The following PDE1A variants were observed in gnomAD, a reference collection of about 807,000 sequenced individuals.
PDE1A encodes phosphodiesterase 1A.
PDE1A carries 35 observed loss-of-function variants against 61.7 expected under a neutral mutation model. The ratio of observed to expected loss-of-function variants is 0.57; its 90% CI spans 0.43 to 0.75. PDE1A has a LOEUF of 0.75. PDE1A is among the 30% of genes least tolerant of loss of function. The pLI, the probability that PDE1A is intolerant of heterozygous loss-of-function variation, is 0.00. For synonymous variants in PDE1A, 232 were observed against 213.2 expected, an observed-to-expected ratio of 1.09 and a Z score of -0.77; for missense variants, 597 against 630.6, an observed-to-expected ratio of 0.95 and a Z score of 0.57.
At chr2:182,510,081 T>C (rs535464111) in intron 2 of PDE1A, among the ~76,000 whole-genome samples, 1 of 152,118 alleles carries the variant, frequency 6.6e-6, no homozygotes, top group Non-Finnish European at 1.5e-5. Flanking sequence ...ATATCAAAAA[T>C]TTGCCTATCA....
intron 1 of PDE1A, among the ~76,000 whole-genome samples, chr2:182,389,267 G>A (rs1701285557): frequency 6.6e-6 from 1 of 152,018 alleles, no homozygotes; most frequent in Non-Finnish European, 1.5e-5. Context: ...ACAAAGCAAA[G>A]TCAGGAAACT....
intron 1 of PDE1A, among the ~76,000 whole-genome samples, chr2:182,383,421 T>C (rs1700846433): frequency 1.3e-5 from 2 of 152,190 alleles, no homozygotes. Context: ...ACAGAGATAA[T>C]GTCATAAATA....
chr2:182,320,251 G>A (rs940974310), intron 1 of PDE1A, among the ~76,000 whole-genome samples: 1 of 152,144 alleles, frequency 6.6e-6, no homozygotes, highest in African/African-American at 2.4e-5. Context: ...AACATGGCTG[G>A]TTGGTTTTGT....
the PDE1A span, among the ~76,000 whole-genome samples, chr2:182,609,943 C>T: frequency 6.6e-6 from 1 of 152,170 alleles, no homozygotes; most frequent in Admixed American, 6.5e-5. Context: ...CAAAAATTAG[C>T]TGGGTCTAGT....
intron 2 of PDE1A, among the ~76,000 whole-genome samples, chr2:182,477,464 G>T (rs1384856207): frequency 6.6e-6 from 1 of 151,856 alleles, no homozygotes; most frequent in Non-Finnish European, 1.5e-5. Context: ...AAAGGTCAAG[G>T]AAAGTTCCTT....
chr2:182,682,474 G>T, the PDE1A span, among the ~76,000 whole-genome samples: 2 of 152,176 alleles, frequency 1.3e-5, no homozygotes, highest in Admixed American at 6.5e-5. Flanking sequence ...CAGATGCAAT[G>T]ATCTAGTAAG....
At chr2:182,399,160 T>A (rs1250010506) in intron 1 of PDE1A, among the ~76,000 whole-genome samples, 2 of 152,016 alleles carry the variant, frequency 1.3e-5, no homozygotes, top group African/African-American at 2.4e-5. Context: ...TTTGGAGGAC[T>A]ATGTTTATTA....
At chr2:182,592,916 A>G in the PDE1A span, among the ~76,000 whole-genome samples, 1 of 152,212 alleles carries the variant, frequency 6.6e-6, no homozygotes, top group African/African-American at 2.4e-5. Context: ...CCGAAAGCAT[A>G]AAACGACGAG....
the PDE1A span, among the ~76,000 whole-genome samples, chr2:182,651,967 C>T: frequency 1.8e-4 from 27 of 152,118 alleles, no homozygotes; most frequent in African/African-American, 6.0e-4. Context: ...GTCAGGGATC[C>T]AACATACTTA....
upstream of PDE1A, among the ~76,000 whole-genome samples, chr2:182,431,121 TAAA>T (rs538631665): frequency 9.7e-3 from 1,175 of 121,498 alleles, 17 homozygotes; most frequent in African/African-American, 0.03. Context: ...AAAAAAACAT[TAAA>T]AAAAAAAAAA....
chr2:182,433,506 G>A (rs1220385586), intron 2 of PDE1A, among the ~76,000 whole-genome samples: 1 of 152,022 alleles, frequency 6.6e-6, no homozygotes, highest in Non-Finnish European at 1.5e-5. Context: ...ATCAGGTAGA[G>A]CTTCAGGGAT....
chr2:182,694,862 T>TA, the PDE1A span, among the ~76,000 whole-genome samples: 5 of 149,932 alleles, frequency 3.3e-5, no homozygotes, highest in African/African-American at 7.3e-5. Flanking sequence ...GTTTTTTTTT[T>TA]AAAAAGACAA....
intron 2 of PDE1A, among the ~76,000 whole-genome samples, chr2:182,494,849 G>A (rs1030078245): frequency 2.6e-5 from 4 of 152,186 alleles, no homozygotes; most frequent in Non-Finnish European, 5.9e-5. Context: ...AGATGCAATT[G>A]GTTCCTTGTG....
At position 182,268,039 on chromosome 2, in the gene PDE1A, C is replaced by A. The variant is rs574189320; in HGVS notation, c.54-3625G>T. On this transcript the variant is annotated intron_variant, in intron 1 of 13. Transcript: ENST00000351439. ...AAGTTCCCTTAATTTAGCAAAAATT[C>A]TTTTTAATAATGATTTTGCTTCTTT... 5.3e-5 allele frequency among the ~76,000 whole-genome samples: 8 copies of A among 152,080 alleles called. No homozygotes were observed. The East Asian group carries it at 1.4e-3, about 26-fold the overall frequency.
rs561871715 is a variant in PDE1A, at chr2:182,235,434, G to A, written c.351-936C>T. 2.6e-3 allele frequency among the ~76,000 whole-genome samples: 393 copies of A among 152,266 alleles called. 1 individual carries two copies. Among genetic ancestry groups the A allele is most frequent in the African/African-American group, 9.1e-3 (380 of 41,554 alleles). On this transcript the variant is annotated intron_variant, in intron 3 of 13. Coordinates refer to ENST00000351439, the Ensembl canonical transcript of PDE1A. ...TGGAATTACAGGCATGAGCCACCAC[G>A]CCCAGCCAACAAAACTGTTTTTAAT...
the PDE1A span, among the ~76,000 whole-genome samples, chr2:182,663,500 G>C: frequency 5.9e-5 from 9 of 152,184 alleles, no homozygotes; most frequent in African/African-American, 2.2e-4. Flanking sequence ...TCATAAAAAT[G>C]AATTAGATCA....
the PDE1A span, among the ~76,000 whole-genome samples, chr2:182,695,677 A>G: frequency 7.8e-4 from 73 of 93,644 alleles, no homozygotes; most frequent in Middle Eastern, 6.8e-3. Flanking sequence ...AAAAAAAAAA[A>G]AAAAAAAAGA....
At chr2:182,327,306 G>A (rs1160647303) in intron 1 of PDE1A, among the ~76,000 whole-genome samples, 4 of 152,144 alleles carry the variant, frequency 2.6e-5, no homozygotes, top group African/African-American at 9.7e-5. Context: ...TACTGGAGTA[G>A]AGAATTGAGT....
chr2:182,463,481 A>T (rs1006742897), intron 2 of PDE1A: 6 of 152,150 alleles, frequency 3.9e-5, no homozygotes, highest in African/African-American at 1.4e-4. Context: ...CCTTTGTGTG[A>T]AAGAAGAGAA....
Sources: allele counts gnomAD v4.1 joint callset (sites outside exome capture counted in the v4.1 genomes callset), GRCh38; gene constraint gnomAD v4.1.1; transcripts MANE v1.5; gene names NCBI Gene and HGNC (gene_info 2026-07-23, HGNC 2026-07-21).